EIF4G3: variants seen among roughly 807,000 people sequenced by gnomAD.
EIF4G3 encodes eukaryotic translation initiation factor 4 gamma 3.
A neutral mutation model predicts 186.4 loss-of-function variants in EIF4G3; 34 were observed. The ratio of observed to expected loss-of-function variants is 0.18; its 90% CI spans 0.14 to 0.24. The LOEUF is 0.24. EIF4G3 is among the 10% of genes least tolerant of loss of function. The pLI is 1.00. For synonymous variants in EIF4G3, 673 were observed against 679.5 expected, an observed-to-expected ratio of 0.99 and a Z score of 0.15; for missense variants, 1,536 against 1,948.5, an observed-to-expected ratio of 0.79 and a Z score of 3.99.
At chr1:21,157,376 G>GT (rs112805240) in intron 2 of EIF4G3, among the ~76,000 whole-genome samples, 59 of 149,816 alleles carry the variant, frequency 3.9e-4, no homozygotes, top group Non-Finnish European at 5.1e-4. Context: ...TTTTTTGTTT[G>GT]TTTTTTTTTA....
intron 10 of EIF4G3, among the ~76,000 whole-genome samples, chr1:20,974,135 G>T (rs753194817): frequency 6.6e-6 from 1 of 152,212 alleles, no homozygotes; most frequent in East Asian, 1.9e-4. Context: ...CAAGTTTCGG[G>T]TGCTTACCAG....
At chr1:21,054,380 A>T (rs1571803323) in intron 3 of EIF4G3, among the ~76,000 whole-genome samples, 1 of 145,162 alleles carries the variant, frequency 6.9e-6, no homozygotes, top group African/African-American at 2.5e-5. Flanking sequence ...ACCTTTGTTC[A>T]CTTGTTTATC....
chr1:21,161,875 G>A (rs904613666), intron 2 of EIF4G3: 2 of 150,016 alleles, frequency 1.3e-5, no homozygotes, highest in Non-Finnish European at 3.0e-5. Flanking sequence ...GGCTGAGGCA[G>A]GAGAATCACT....
chr1:21,084,231 TAA>T (rs763945357), intron 3 of EIF4G3, among the ~76,000 whole-genome samples: 28 of 131,128 alleles, frequency 2.1e-4, no homozygotes, highest in Admixed American at 4.6e-4. Flanking sequence ...CTGTGTAATT[TAA>T]AAAAAAAAAA....
intron 10 of EIF4G3, among the ~76,000 whole-genome samples, chr1:20,979,973 A>G (rs2077621346): frequency 1.3e-5 from 2 of 152,042 alleles, no homozygotes; most frequent in Admixed American, 1.3e-4. Flanking sequence ...GATGGTCTCA[A>G]TCTCCTCGCC....
At chr1:21,076,087 T>C (rs2095580977) in intron 3 of EIF4G3, among the ~76,000 whole-genome samples, 2 of 152,160 alleles carry the variant, frequency 1.3e-5, no homozygotes, top group South Asian at 4.1e-4. Context: ...ATAGACCACT[T>C]AGGCCACAAA....
chr1:21,145,330 C>CA (rs1438227071), intron 2 of EIF4G3, among the ~76,000 whole-genome samples: 191 of 110,362 alleles, frequency 1.7e-3, no homozygotes, highest in Middle Eastern at 0.011. Context: ...ACAAAACAAA[C>CA]AAACAAAAAA....
At chr1:20,997,932 A>C (rs191532056) in intron 6 of EIF4G3, among the ~76,000 whole-genome samples, 109 of 146,128 alleles carry the variant, frequency 7.5e-4, no homozygotes, top group African/African-American at 2.4e-3. Flanking sequence ...AAAAAAAAAA[A>C]CCCTAAAATA....
chr1:21,021,845 C>T (rs1355892720), intron 4 of EIF4G3, among the ~76,000 whole-genome samples: 1 of 152,102 alleles, frequency 6.6e-6, no homozygotes, highest in Non-Finnish European at 1.5e-5. Flanking sequence ...CATGAACCAC[C>T]GTGCCCGGCT....
Position 21,065,731 on chromosome 1 carries a change from T to C in EIF4G3, c.-195-14737A>G, listed in dbSNP as rs181598778. Among the ~76,000 whole-genome samples, 7 of 152,344 alleles carry C rather than the reference T, an allele frequency of 4.6e-5. No individual in the cohort carries two copies. The East Asian group carries it at 1.3e-3, about 29-fold the overall frequency. ...AAAGTAAGGACTTATCATGCTGATT[T>C]ATTCAACACATTAAGATAATATTTA... is the stretch of plus-strand genomic sequence containing the variant. On this transcript the variant is annotated intron_variant, in intron 3 of 36. Transcript: ENST00000602326.
intron 3 of EIF4G3, among the ~76,000 whole-genome samples, chr1:21,052,358 A>G (rs1317572368): frequency 6.6e-6 from 1 of 152,214 alleles, no homozygotes; most frequent in Non-Finnish European, 1.5e-5. Context: ...AAAATGAAAG[A>G]AGTCATTCTC....
intron 30 of EIF4G3, among the ~76,000 whole-genome samples, 195 bp downstream of exon 30, chr1:20,840,661 G>T (rs573705185): frequency 3.9e-5 from 6 of 152,244 alleles, no homozygotes; most frequent in African/African-American, 1.4e-4. Flanking sequence ...TAACCTTTAT[G>T]CCCTAGCACA....
chr1:20,941,719 C>CTGGAGGAGT lies in EIF4G3; in HGVS notation c.1426_1434dup (p.Thr476_Pro478dup), dbSNP rs760610164. 315 of 1,611,320 alleles carry CTGGAGGAGT rather than the reference C, an allele frequency of 2.0e-4. 1 individual carries two copies. In the African/African-American group the frequency reaches 3.3e-3, roughly 17 times the overall value. The stretch of plus-strand genomic sequence containing the variant: ...ATGACTGGAGTGTGAGGAGGAGAAG[C>CTGGAGGAGT]TGGAGGAGTTGGAGGAGTTGGAGGA... On this transcript the variant is annotated inframe_insertion, in exon 14 of 37. Coordinates refer to ENST00000602326, the MANE Select transcript of EIF4G3 (RefSeq NM_001391906.1).
At chr1:21,089,991 G>A (rs1021228006) in intron 2 of EIF4G3, among the ~76,000 whole-genome samples, 1 of 152,120 alleles carries the variant, frequency 6.6e-6, no homozygotes, top group Non-Finnish European at 1.5e-5. Context: ...TTTTCATAGT[G>A]CTACTTAAAA....
chr1:20,850,088 T>C (rs978227384), intron 28 of EIF4G3, among the ~76,000 whole-genome samples: 2 of 152,194 alleles, frequency 1.3e-5, no homozygotes. Flanking sequence ...TAGTTCTAAG[T>C]ATTCTCTTAG....
chr1:20,833,614 A>C (rs1049637489), intron 30 of EIF4G3, among the ~76,000 whole-genome samples: 1 of 152,158 alleles, frequency 6.6e-6, no homozygotes, highest in Non-Finnish European at 1.5e-5. Context: ...CTCCTGCCTA[A>C]TTGCCCTGGC....
intron 30 of EIF4G3, among the ~76,000 whole-genome samples, chr1:20,834,178 A>G (rs1042752055): frequency 6.6e-5 from 10 of 152,278 alleles, no homozygotes; most frequent in Middle Eastern, 3.4e-3. Flanking sequence ...GCCAGGCGCA[A>G]TGGCTCATGC....
At chr1:21,107,045 G>A (rs968896972) in intron 2 of EIF4G3, among the ~76,000 whole-genome samples, 5 of 152,122 alleles carry the variant, frequency 3.3e-5, no homozygotes, top group East Asian at 1.9e-4. Context: ...AACAAAAAAA[G>A]TATGGGAAAA....
chr1:21,049,012 G>C (rs1375657597), intron 4 of EIF4G3, among the ~76,000 whole-genome samples: 2 of 152,164 alleles, frequency 1.3e-5, no homozygotes, highest in African/African-American at 4.8e-5. Context: ...AGCAAATTTG[G>C]GATGGGCAGT....
Sources: allele counts gnomAD v4.1 joint callset (sites outside exome capture counted in the v4.1 genomes callset), GRCh38; gene constraint gnomAD v4.1.1; transcripts MANE v1.5; gene names NCBI Gene and HGNC (gene_info 2026-07-23, HGNC 2026-07-21).